KCNMA1: variants seen among roughly 807,000 people sequenced by gnomAD.
KCNMA1 encodes the protein potassium calcium-activated channel subfamily M alpha 1.
A neutral mutation model predicts 140.0 loss-of-function variants in KCNMA1; 29 were observed. The ratio of observed to expected loss-of-function variants is 0.21; its 90% CI spans 0.15 to 0.28. KCNMA1 has a LOEUF of 0.28. Ranked by LOEUF, KCNMA1 falls within the 10% of genes least tolerant of loss-of-function variation. KCNMA1 has a pLI of 1.00. For missense variants in KCNMA1, 880 were observed against 1,602.2 expected (o/e 0.55, Z 7.70); for synonymous variants, 612 against 611.9 (o/e 1.00, Z 0.00).
At chr10:77,613,499 T>C (rs1022605966) in intron 1 of KCNMA1, among the ~76,000 whole-genome samples, 2 of 152,240 alleles carry the variant, frequency 1.3e-5, no homozygotes, top group African/African-American at 4.8e-5. Flanking sequence ...CAACTGGTTT[T>C]GGCTGCCAAG....
At chr10:77,201,404 A>G (rs149366508) in intron 3 of KCNMA1, among the ~76,000 whole-genome samples, 17 of 152,344 alleles carry the variant, frequency 1.1e-4, no homozygotes, top group South Asian at 2.1e-4. Context: ...AACCCTCTAT[A>G]CATGGACTTA....
At chr10:77,164,997 C>T (rs2098621586) in intron 5 of KCNMA1, among the ~76,000 whole-genome samples, 1 of 152,090 alleles carries the variant, frequency 6.6e-6, no homozygotes, top group South Asian at 2.1e-4. Flanking sequence ...AAATGACAGA[C>T]ATGCCATAAT....
intron 2 of KCNMA1, chr10:77,314,023 G>T (rs796661223): frequency 6.6e-6 from 1 of 152,220 alleles, no homozygotes; most frequent in Non-Finnish European, 1.5e-5. Context: ...GGAATGAAAT[G>T]AAGTGGAGTG....
At chr10:77,039,377 C>T in intron 15 of KCNMA1, 151 bp downstream of exon 15, 2 of 693,308 alleles carry the variant, frequency 2.9e-6, no homozygotes, top group Non-Finnish European at 5.3e-6. Flanking sequence ...ATGACCCACC[C>T]TCCTATTCAT....
intron 5 of KCNMA1, among the ~76,000 whole-genome samples, chr10:77,132,545 G>A (rs1174881664): frequency 4.3e-5 from 6 of 138,558 alleles, no homozygotes; most frequent in African/African-American, 1.6e-4. Flanking sequence ...TTTTTTTTGA[G>A]ATGGAGTCTG....
At chr10:77,016,290 G>A (rs2092020305) in intron 17 of KCNMA1, among the ~76,000 whole-genome samples, 1 of 152,088 alleles carries the variant, frequency 6.6e-6, no homozygotes, top group Non-Finnish European at 1.5e-5. Context: ...CAGTGACCCA[G>A]TTGCATTAAT....
chr10:77,455,129 A>C (rs703262), intron 1 of KCNMA1, among the ~76,000 whole-genome samples: 28,253 of 152,106 alleles, frequency 0.19, 2,755 homozygotes, highest in Admixed American at 0.23. Context: ...TCTTTCATTT[A>C]AGTAAACAGA....
chr10:77,517,164 C>T (rs770993175), intron 1 of KCNMA1, among the ~76,000 whole-genome samples: 39 of 152,112 alleles, frequency 2.6e-4, no homozygotes, highest in Non-Finnish European at 3.8e-4. Context: ...GCAGACCCTA[C>T]CCTTGGCACT....
At chr10:77,484,781 A>C (rs1306333294) in intron 1 of KCNMA1, among the ~76,000 whole-genome samples, 1 of 152,194 alleles carries the variant, frequency 6.6e-6, no homozygotes, top group Non-Finnish European at 1.5e-5. Context: ...CATCGCCAAC[A>C]ACTTCCCAAG....
chr10:77,429,857 G>A (rs1363934346), intron 1 of KCNMA1, among the ~76,000 whole-genome samples: 1 of 152,070 alleles, frequency 6.6e-6, no homozygotes, highest in Non-Finnish European at 1.5e-5. Flanking sequence ...TTGAACAAGA[G>A]GAACTGAAGC....
chr10:77,493,646 T>C (rs2040743666), intron 1 of KCNMA1, among the ~76,000 whole-genome samples: 1 of 152,138 alleles, frequency 6.6e-6, no homozygotes, highest in Non-Finnish European at 1.5e-5. Context: ...TCAACGGAGG[T>C]GCACTGGGTG....
At position 76,891,753 on chromosome 10, in the gene KCNMA1, T is replaced by C. The variant is rs112120932; in HGVS notation, c.3148-34A>G. The C allele has an allele frequency of 2.3e-3, 3,643 of 1,561,366 alleles. 72 individuals are homozygous for C. In the African/African-American group the frequency reaches 0.042, roughly 18 times the overall value. The stretch of plus-strand genomic sequence containing the variant: ...GGAGAGAAAGTGAGGGAAAAGTCCT[T>C]TAAGCAAACACCCTAAAGTCATGAC... On this transcript the variant is annotated intron_variant, in intron 25 of 27. Transcript: ENST00000286628.
intron 3 of KCNMA1, among the ~76,000 whole-genome samples, chr10:77,229,568 T>G (rs2052832703): frequency 6.6e-6 from 1 of 152,142 alleles, no homozygotes; most frequent in Admixed American, 6.5e-5. Context: ...AAACCAAGAT[T>G]TGCAGAGATT....
At chr10:77,348,910 T>A (rs1315050784) in intron 2 of KCNMA1, among the ~76,000 whole-genome samples, 4 of 152,218 alleles carry the variant, frequency 2.6e-5, no homozygotes, top group Admixed American at 1.3e-4. Context: ...CCTCTCTCTC[T>A]CACACTCTTT....
chr10:77,387,556 T>TTTTCTCTTTTC (rs780477007), intron 2 of KCNMA1, among the ~76,000 whole-genome samples: 4 of 113,098 alleles, frequency 3.5e-5, no homozygotes, highest in Non-Finnish European at 7.5e-5. Context: ...TTTTCTTTTC[T>TTTTCTCTTTTC]TTTTCTTTTC....
At position 77,418,846 on chromosome 10, in the gene KCNMA1, A is replaced by G. The variant is rs187333933; in HGVS notation, c.379-14823T>C. 3.3e-5 allele frequency among the ~76,000 whole-genome samples: 5 copies of G among 152,296 alleles called. No homozygotes were observed. The East Asian group carries it at 7.7e-4, about 24-fold the overall frequency. On this transcript the variant is annotated intron_variant, in intron 1 of 27. Coordinates refer to ENST00000286628, the MANE Select transcript of KCNMA1 (RefSeq NM_001161352.2). ...ATAATTGAAATCTCAAAAGGCACACACCTTTCTTTTAGAAGAGAGGGCCAC... is the reference window on the plus strand; with the variant it reads ...ATAATTGAAATCTCAAAAGGCACACGCCTTTCTTTTAGAAGAGAGGGCCAC...
At chr10:76,873,116 C>T (rs1340441666), downstream of KCNMA1, 1 of 152,144 alleles carries the variant, frequency 6.6e-6, no homozygotes, top group Non-Finnish European at 1.5e-5. Context: ...AGCATGTAGG[C>T]TTCTTTTTAT....
chr10:77,018,952 C>A lies in KCNMA1; in HGVS notation c.2015+61G>T. Reference sequence around the variant, plus strand: ...TGGGGTTATGGAAGCCTGCCTACTTCCGTGGGTCAAGGTGTCTACAGCCGG... The same window carrying A: ...TGGGGTTATGGAAGCCTGCCTACTTACGTGGGTCAAGGTGTCTACAGCCGG... On this transcript the variant is annotated intron_variant, in intron 17 of 27. Coordinates refer to ENST00000286628, the MANE Select transcript of KCNMA1 (RefSeq NM_001161352.2). The A allele has an allele frequency of 3.3e-6, 3 of 917,230 alleles. No homozygotes were observed. The South Asian group carries it at 3.9e-5, about 12-fold the overall frequency. The allele number at this position is 917,230 out of a possible 1,614,324, so 56.8% of individuals were successfully genotyped here.
intron 9 of KCNMA1, among the ~76,000 whole-genome samples, chr10:77,097,428 C>G (rs552940116): frequency 1.3e-5 from 2 of 152,230 alleles, no homozygotes; most frequent in African/African-American, 4.8e-5. Context: ...CCAAAACTTG[C>G]TGGGCTTTCA....
Sources: allele counts gnomAD v4.1 joint callset (sites outside exome capture counted in the v4.1 genomes callset), GRCh38; gene constraint gnomAD v4.1.1; transcripts MANE v1.5; gene names NCBI Gene and HGNC (gene_info 2026-07-23, HGNC 2026-07-21).